Variants in GRIK3 observed in about 807,000 individuals in gnomAD.
GRIK3 encodes the protein glutamate receptor ionotropic, kainate 3.
In GRIK3, 29 loss-of-function variants were observed where a neutral mutation model predicts 102.5. The ratio of observed to expected loss-of-function variants is 0.28; its 90% confidence interval spans 0.21 to 0.39. GRIK3 has a LOEUF of 0.39. Among genes scored for constraint, GRIK3 ranks in the 10% least tolerant of loss-of-function variants. GRIK3 has a pLI of 1.00. For synonymous variants in GRIK3, 511 were observed against 504.9 expected, an observed-to-expected ratio of 1.01 and a Z score of -0.16; for missense variants, 908 against 1,252.4, an observed-to-expected ratio of 0.73 and a Z score of 4.15.
intron 3 of GRIK3, among the ~76,000 whole-genome samples, chr1:36,873,456 G>A (rs985342500): frequency 6.6e-6 from 1 of 152,044 alleles, no homozygotes; most frequent in Non-Finnish European, 1.5e-5. Flanking sequence ...GCATAGCCTG[G>A]GAGCAAGCCT....
intron 1 of GRIK3, among the ~76,000 whole-genome samples, chr1:36,953,320 A>G (rs548781020): frequency 2.6e-5 from 4 of 152,164 alleles, no homozygotes; most frequent in Non-Finnish European, 5.9e-5. Context: ...AGAGGGCAAG[A>G]GGAGTGAGGT....
intron 1 of GRIK3, among the ~76,000 whole-genome samples, chr1:37,012,236 C>T (rs1320270312): frequency 2.0e-5 from 3 of 152,212 alleles, no homozygotes; most frequent in Non-Finnish European, 4.4e-5. Context: ...GCTAGTTCAG[C>T]GATTTTGTAA....
intron 5 of GRIK3, among the ~76,000 whole-genome samples, 169 bp from the exon 6 acceptor site, chr1:36,860,186 T>C (rs1445100405): frequency 6.6e-6 from 1 of 152,168 alleles, no homozygotes; most frequent in Non-Finnish European, 1.5e-5. Context: ...GGAGCACCCA[T>C]AGGACCACTG....
At chr1:36,873,691 C>A (rs527845934) in intron 3 of GRIK3, among the ~76,000 whole-genome samples, 2 of 151,738 alleles carry the variant, frequency 1.3e-5, no homozygotes, top group South Asian at 4.2e-4. Flanking sequence ...AAAAACTTCT[C>A]CCCCACTCTT....
intron 1 of GRIK3, among the ~76,000 whole-genome samples, chr1:36,981,801 C>T (rs1218881457): frequency 6.6e-6 from 1 of 152,176 alleles, no homozygotes; most frequent in Non-Finnish European, 1.5e-5. Context: ...TACTGTGTAC[C>T]AGGCACTGTT....
At chr1:36,924,102 C>G (rs963384206) in intron 1 of GRIK3, among the ~76,000 whole-genome samples, 15 of 152,160 alleles carry the variant, frequency 9.9e-5, no homozygotes, top group African/African-American at 3.6e-4. Flanking sequence ...GGCTAAGGGG[C>G]AGGGAGGGCA....
At chr1:36,804,108 A>G (rs1557686299) in intron 15 of GRIK3, among the ~76,000 whole-genome samples, 1 of 152,226 alleles carries the variant, frequency 6.6e-6, no homozygotes, top group African/African-American at 2.4e-5. Flanking sequence ...ATCGAGTATT[A>G]TCTTTCCCCC....
At position 36,850,495 on chromosome 1, in the gene GRIK3, C is replaced by G. The variant is rs914624493; in HGVS notation, c.1213-71G>C. 5 of 846,984 alleles carry G rather than the reference C, an allele frequency of 5.9e-6. No homozygotes were observed. Among genetic ancestry groups the G allele is most frequent in the African/African-American group, 3.3e-5 (2 of 60,780 alleles). The allele number at this position is 846,984 out of a possible 1,614,324, so 52.5% of individuals were successfully genotyped here. On this transcript the variant is annotated intron_variant, in intron 8 of 15. Transcript: ENST00000373091. The surrounding 1 kb of genome is among the most constrained non-coding windows in gnomAD (Gnocchi z 4.0). ...CCCATCTTCCTCCATATCGACAAGA[C>G]CTTCATCTCATTCCCATTCATCATG... is the stretch of plus-strand genomic sequence containing the variant.
chr1:37,014,073 T>C (rs955109599), intron 1 of GRIK3, among the ~76,000 whole-genome samples: 7 of 152,210 alleles, frequency 4.6e-5, no homozygotes, highest in African/African-American at 1.7e-4. Context: ...GGCAGGCTTC[T>C]CTCATTATTC....
intron 3 of GRIK3, among the ~76,000 whole-genome samples, chr1:36,878,510 C>G (rs1640933395): frequency 6.6e-6 from 1 of 152,268 alleles, no homozygotes; most frequent in Non-Finnish European, 1.5e-5. Flanking sequence ...TCACAGGCAG[C>G]TGAGAGCTGG....
chr1:36,998,356 T>C (rs553905329), intron 1 of GRIK3, among the ~76,000 whole-genome samples: 16 of 152,138 alleles, frequency 1.1e-4, no homozygotes, highest in Admixed American at 6.6e-5. Context: ...CTCATGTCTG[T>C]TAGGGCCTGA....
intron 13 of GRIK3, among the ~76,000 whole-genome samples, chr1:36,810,702 A>G (rs1405270221): frequency 1.3e-5 from 2 of 152,236 alleles, no homozygotes; most frequent in Non-Finnish European, 2.9e-5. Context: ...CTTTTTCCAT[A>G]TTAATTGGCT....
At chr1:36,956,440 T>C (rs547769107) in intron 1 of GRIK3, among the ~76,000 whole-genome samples, 7 of 152,296 alleles carry the variant, frequency 4.6e-5, no homozygotes, top group South Asian at 4.1e-4. Flanking sequence ...GACGGCAGCA[T>C]TCCGCATGCC....
intron 1 of GRIK3, among the ~76,000 whole-genome samples, chr1:36,960,197 C>T (rs527827940): frequency 1.4e-5 from 2 of 144,198 alleles, no homozygotes; most frequent in African/African-American, 2.6e-5. Flanking sequence ...GCCCCCGAGC[C>T]TCTGTGACCC....
intron 1 of GRIK3, among the ~76,000 whole-genome samples, chr1:36,984,965 T>G (rs114755005): frequency 0.012 from 1,772 of 152,300 alleles, 34 homozygotes; most frequent in African/African-American, 0.039. Context: ...GGCTGGGATG[T>G]GGCTTGAAGC....
chr1:36,822,975 C>A (rs1468046912), intron 11 of GRIK3, among the ~76,000 whole-genome samples: 1 of 152,162 alleles, frequency 6.6e-6, no homozygotes, highest in African/African-American at 2.4e-5. Context: ...CAGGCCAGGC[C>A]AGCGTGCAAG....
intron 10 of GRIK3, among the ~76,000 whole-genome samples, chr1:36,833,317 A>T (rs1386457051): frequency 6.6e-6 from 1 of 152,034 alleles, no homozygotes; most frequent in Non-Finnish European, 1.5e-5. Context: ...GGATGAACCC[A>T]CCTGAACATT....
intron 11 of GRIK3, among the ~76,000 whole-genome samples, chr1:36,821,995 C>G (rs1293973793): frequency 1.3e-5 from 2 of 152,222 alleles, no homozygotes; most frequent in Admixed American, 6.5e-5. Flanking sequence ...TTAATGTTAC[C>G]AACCTCTTTT....
Position 36,910,930 on chromosome 1 carries a change from C to T in GRIK3, c.116-19834G>A, listed in dbSNP as rs139810594. 3.5e-3 allele frequency among the ~76,000 whole-genome samples: 528 copies of T among 152,256 alleles called. 3 individuals are homozygous for T. The highest frequency in any genetic ancestry group is 4.5e-3 in the Non-Finnish European group (307 of 68,032). Reference sequence around the variant, plus strand: ...ACTCAAAACGCTGTCAAGGTGAGAACGCTCCATGTGATAACCACGGACTAA... The same window carrying T: ...ACTCAAAACGCTGTCAAGGTGAGAATGCTCCATGTGATAACCACGGACTAA... On this transcript the variant is annotated intron_variant, in intron 1 of 15. Transcript: ENST00000373091.
Sources: allele counts gnomAD v4.1 joint callset (sites outside exome capture counted in the v4.1 genomes callset), GRCh38; gene constraint gnomAD v4.1.1; non-coding constraint Gnocchi (gnomAD v3.1); transcripts MANE v1.5; gene names NCBI Gene and HGNC (gene_info 2026-07-23, HGNC 2026-07-21).